Variants in SEPTIN9 observed in about 807,000 individuals in gnomAD.
SEPTIN9 encodes septin-9.
SEPTIN9 carries 13 observed loss-of-function variants against 56.6 expected under a neutral mutation model. The observed-to-expected ratio is 0.23, with a 90% CI of 0.15 to 0.37. The LOEUF (loss-of-function observed/expected upper bound fraction) is 0.37, where lower values mean the gene tolerates loss of function less well. Among genes scored for constraint, SEPTIN9 ranks in the 10% least tolerant of loss-of-function variants. The pLI, the probability that SEPTIN9 is intolerant of heterozygous loss-of-function variation, is 1.00. For synonymous variants in SEPTIN9, 332 were observed against 334.1 expected, an observed-to-expected ratio of 0.99 and a Z score of 0.07; for missense variants, 650 against 823.1, an observed-to-expected ratio of 0.79 and a Z score of 2.57.
intron 3 of SEPTIN9, among the ~76,000 whole-genome samples, chr17:77,430,203 C>A (rs372250496): frequency 1.1e-4 from 17 of 152,166 alleles, no homozygotes; most frequent in Admixed American, 7.2e-4. Context: ...ACCCTCCCCC[C>A]GCCAGCTCCA....
At position 77,499,440 on chromosome 17, in the gene SEPTIN9, TA is replaced by T; in HGVS notation, c.*787del. ...TGATGCGCTGGGATCTGATTGAGGA[TA>T]AAAAGGAAGGAGAGATGACCCCTAC... On this transcript the variant is annotated 3_prime_UTR_variant, in exon 12 of 12. Coordinates refer to ENST00000427177, the MANE Select transcript of SEPTIN9 (RefSeq NM_001113491.2). 1 of 535,560 alleles carries T rather than the reference TA, an allele frequency of 1.9e-6. No homozygotes were observed. The highest frequency in any genetic ancestry group is 3.6e-6 in the Non-Finnish European group (1 of 275,916). 33.2% of individuals were successfully genotyped at this position (535,560 alleles called of 1,614,324 possible).
intron 1 of SEPTIN9, chr17:77,281,853 C>A: frequency 2.3e-6 from 1 of 438,722 alleles, no homozygotes; most frequent in Non-Finnish European, 4.1e-6. Flanking sequence ...TCCAGGTCGG[C>A]CGGGTGCTTT....
At chr17:77,388,577 G>A (rs928524805) in intron 2 of SEPTIN9, among the ~76,000 whole-genome samples, 1 of 152,120 alleles carries the variant, frequency 6.6e-6, no homozygotes, top group Non-Finnish European at 1.5e-5. Flanking sequence ...ATTCAGTGCC[G>A]GTCCTCCAAA....
chr17:77,486,487 G>GGGGTGTGT (rs1555679076), intron 4 of SEPTIN9, among the ~76,000 whole-genome samples: 10 of 143,644 alleles, frequency 7.0e-5, no homozygotes, highest in African/African-American at 2.4e-4. Flanking sequence ...AGTCTGGAGG[G>GGGGTGTGT]GTGTGTGTGT....
chr17:77,432,237 T>G (rs2037172318), intron 3 of SEPTIN9, among the ~76,000 whole-genome samples: 1 of 152,154 alleles, frequency 6.6e-6, no homozygotes, highest in African/African-American at 2.4e-5. Context: ...AAATGTCCAC[T>G]CGAGACATGA....
chr17:77,355,291 G>C (rs1257331352), intron 2 of SEPTIN9, among the ~76,000 whole-genome samples: 2 of 152,202 alleles, frequency 1.3e-5, no homozygotes, highest in Non-Finnish European at 2.9e-5. Context: ...CAGCAGGGGA[G>C]CAGCTGGGGA....
rs2036874339 is a variant in SEPTIN9, at chr17:77,425,552, G to A, written c.721+22849G>A. Reference sequence around the variant, plus strand: ...AGCTGCAGCTGAGCTGGCGGGCCTCGCACACCCCCAAGGCCGCCTGACTTC... The same window carrying A: ...AGCTGCAGCTGAGCTGGCGGGCCTCACACACCCCCAAGGCCGCCTGACTTC... On this transcript the variant is annotated intron_variant, in intron 3 of 11. Coordinates refer to ENST00000427177, the MANE Select transcript of SEPTIN9 (RefSeq NM_001113491.2). The surrounding 1 kb of genome is among the most constrained non-coding windows in gnomAD (Gnocchi z 4.2). 6.6e-6 allele frequency among the ~76,000 whole-genome samples: 1 copy of A among 152,114 alleles called. No homozygotes were observed. Among genetic ancestry groups the A allele is most frequent in the Non-Finnish European group, 1.5e-5 (1 of 68,016 alleles).
intron 2 of SEPTIN9, among the ~76,000 whole-genome samples, chr17:77,315,036 T>A (rs928437254): frequency 6.6e-6 from 1 of 152,224 alleles, no homozygotes; most frequent in Non-Finnish European, 1.5e-5. Context: ...CACCTTTCAC[T>A]TTTGTTTCAC....
intron 2 of SEPTIN9, chr17:77,375,975 T>C (rs1179573194): frequency 5.1e-6 from 2 of 392,846 alleles, no homozygotes; most frequent in African/African-American, 2.2e-5. Flanking sequence ...GAAGGGATGA[T>C]TGAAGGAGGT....
At chr17:77,320,460 G>T (rs762358157) in intron 2 of SEPTIN9, 5 of 956,740 alleles carry the variant, frequency 5.2e-6, no homozygotes, top group Non-Finnish European at 6.8e-6. Context: ...ATTTTTCACA[G>T]AAATATTTCT....
chr17:77,482,393 G>C (rs114510182), intron 4 of SEPTIN9, 58 bp downstream of exon 4: 1 of 1,570,972 alleles, frequency 6.4e-7, no homozygotes, highest in Non-Finnish European at 8.7e-7. Flanking sequence ...TCAGCCCCCA[G>C]GGCGGCCCAC....
At chr17:77,394,421 C>G (rs2035638874) in intron 2 of SEPTIN9, among the ~76,000 whole-genome samples, 2 of 152,150 alleles carry the variant, frequency 1.3e-5, no homozygotes, top group South Asian at 4.1e-4. Flanking sequence ...TTCCCTGAGC[C>G]CTGACCCTGG....
intron 3 of SEPTIN9, among the ~76,000 whole-genome samples, chr17:77,473,756 A>G (rs1366338014): frequency 6.6e-6 from 1 of 152,192 alleles, no homozygotes; most frequent in Non-Finnish European, 1.5e-5. Flanking sequence ...TCAAATTCCC[A>G]TGTGCCACCA....
rs11869062 is a variant in SEPTIN9, at chr17:77,388,711, G to A, written c.77-13348G>A. Among the ~76,000 whole-genome samples the A allele has an allele frequency of 6.7e-3, 1,019 of 152,134 alleles. 14 individuals carry two copies. The highest frequency in any genetic ancestry group is 0.023 in the African/African-American group (939 of 41,484). On this transcript the variant is annotated intron_variant, in intron 2 of 11. Coordinates refer to ENST00000427177, the MANE Select transcript of SEPTIN9 (RefSeq NM_001113491.2). ...ATTAGGCTGCAGCTCATATTGGCTC[G>A]GGCAGAGGCCATCGGCTGCCCGCCT...
At chr17:77,479,079 T>A (rs963048294) in intron 3 of SEPTIN9, among the ~76,000 whole-genome samples, 3 of 152,156 alleles carry the variant, frequency 2.0e-5, no homozygotes, top group Middle Eastern at 3.2e-3. Context: ...ATGAAAAAGT[T>A]CTGGAGATTT....
intron 4 of SEPTIN9, among the ~76,000 whole-genome samples, chr17:77,484,979 G>C (rs111210975): frequency 6.5e-3 from 5 of 772 alleles, no homozygotes; most frequent in Non-Finnish European, 0.016. Context: ...GGGGGTGATG[G>C]TGGTGATTGT....
At position 77,499,300 on chromosome 17, in the gene SEPTIN9, C is replaced by A. The variant is rs1431633922; in HGVS notation, c.*642C>A. On this transcript the variant is annotated 3_prime_UTR_variant, in exon 12 of 12. Transcript: ENST00000427177. ...GAGCAGAAAGTGCCTTTATCTCAGC[C>A]ATCCGCAGACTGCTTGGCCAGATGC... 2 of 598,138 alleles carry A rather than the reference C, an allele frequency of 3.3e-6. No homozygotes were observed. The highest frequency in any genetic ancestry group is 6.5e-6 in the Non-Finnish European group (2 of 309,186). The allele number at this position is 598,138 out of a possible 1,614,324, so 37.1% of individuals were successfully genotyped here.
rs1025694106 is a variant in SEPTIN9 at position 77,450,030 on chromosome 17, T to C, written c.722-32114T>C. Reference sequence around the variant, plus strand: ...CAGATGGGAACAGGGACTCCGGGCATGCAGTCTTCTCCCAGACACTCCCCC... The same window carrying C: ...CAGATGGGAACAGGGACTCCGGGCACGCAGTCTTCTCCCAGACACTCCCCC... On this transcript the variant is annotated intron_variant, in intron 3 of 11. Coordinates refer to ENST00000427177, the MANE Select transcript of SEPTIN9 (RefSeq NM_001113491.2). This position sits in a 1 kb window ranked among gnomAD's most constrained non-coding sequence, Gnocchi z 6.0. 1.3e-5 allele frequency among the ~76,000 whole-genome samples: 2 copies of C among 152,052 alleles called. No individual in the cohort carries two copies. Among genetic ancestry groups the C allele is most frequent in the African/African-American group, 4.8e-5 (2 of 41,456 alleles).
chr17:77,464,370 G>A lies in SEPTIN9; in HGVS notation c.722-17774G>A, dbSNP rs374230165. On this transcript the variant is annotated intron_variant, in intron 3 of 11. Coordinates refer to ENST00000427177, the MANE Select transcript of SEPTIN9 (RefSeq NM_001113491.2). Reference sequence around the variant, plus strand: ...TGGGATTACAGGCGTGAGCCACCACGCCTGGCCAGTTTTTATATTTAATTT... The same window carrying A: ...TGGGATTACAGGCGTGAGCCACCACACCTGGCCAGTTTTTATATTTAATTT... Among the ~76,000 whole-genome samples the A allele has an allele frequency of 5.0e-4, 76 of 152,204 alleles. 1 individual carries two copies. The South Asian group carries it at 7.7e-3, about 15-fold the overall frequency.
Sources: gnomAD v4.1 joint callset for allele counts (sites outside exome capture counted in the v4.1 genomes callset) on GRCh38, gnomAD v4.1.1 for gene constraint, Gnocchi (gnomAD v3.1) non-coding constraint, MANE v1.5 for transcripts, NCBI Gene and HGNC (gene_info 2026-07-23, HGNC 2026-07-21) for gene names.